PRSS36: variants seen among roughly 807,000 people sequenced by gnomAD.
PRSS36 encodes polyserase-2.
A neutral mutation model predicts 94.3 loss-of-function variants in PRSS36; 90 were observed. The observed-to-expected ratio is 0.95, with a 90% CI of 0.80 to 1.14. The LOEUF is 1.14. PRSS36 is among the 50% of genes most tolerant of loss of function. PRSS36 has a pLI of 0.00. For missense variants in PRSS36, 1,158 were observed against 1,135.0 expected, an observed-to-expected ratio of 1.02 and a Z score of -0.29; for synonymous variants, 500 against 489.6, an observed-to-expected ratio of 1.02 and a Z score of -0.28.
chr16:31,140,483 G>A lies in PRSS36; in HGVS notation c.2167+9C>T, dbSNP rs374727186. 1.0e-4 allele frequency: 162 copies of A among 1,590,464 alleles called. No homozygotes were observed. The highest frequency in any genetic ancestry group is 1.3e-4 in the Non-Finnish European group (148 of 1,167,624). On this transcript the variant is annotated intron_variant, in intron 13 of 14. Coordinates refer to ENST00000268281, the MANE Select transcript of PRSS36 (RefSeq NM_173502.5). ...GCTACTCCTCGTTCCCGTGACCCAG[G>A]GGTCTCACCTCGGTCCTGGGGTTCT...
intron 12 of PRSS36, 146 bp from the exon 13 acceptor site, chr16:31,140,903 A>G: frequency 2.4e-6 from 2 of 834,566 alleles, no homozygotes; most frequent in Non-Finnish European, 3.7e-6. Context: ...AGGTCAAAAC[A>G]TCTCCCAGTG....
At position 31,140,656 on chromosome 16, in the gene PRSS36, A is replaced by ATGC; in HGVS notation, c.2000_2002dup (p.Ser667dup). 6.2e-7 allele frequency: 1 copy of ATGC among 1,613,896 alleles called. No individual in the cohort carries two copies. The highest frequency in any genetic ancestry group is 8.5e-7 in the Non-Finnish European group (1 of 1,179,914). On this transcript the variant is annotated inframe_insertion, in exon 13 of 15. Transcript: ENST00000268281. ...GAGTCCCAGGTGCTGGGGCAGCCGG[A>ATGC]TGCTGATGACCAAGCGGGATACCTG...
rs1372261807 is a variant in PRSS36 at position 31,148,931 on chromosome 16, G to A, written c.272+142C>T. ...GCCTTGCCCCACTCGGAACCATGAT[G>A]CCTCGAATAGCACCTCGCTTTGGGG... On this transcript the variant is annotated intron_variant, in intron 4 of 14. Transcript: ENST00000268281. The A allele has an allele frequency of 3.8e-6, 4 of 1,048,236 alleles. No individual in the cohort carries two copies. The African/African-American group carries it at 6.5e-5, about 17-fold the overall frequency. The allele number at this position is 1,048,236 out of a possible 1,614,324, so 64.9% of individuals were successfully genotyped here.
chr16:31,143,522 C>T (rs748211517), intron 7 of PRSS36, 51 bp from the exon 8 acceptor site: 1 of 1,607,056 alleles, frequency 6.2e-7, no homozygotes, highest in Non-Finnish European at 8.5e-7. Flanking sequence ...CCAATCACTC[C>T]CAGCAGTCTC....
Position 31,149,131 on chromosome 16 carries a change from A to T in PRSS36, c.214T>A (p.Cys72Ser), listed in dbSNP as rs1457819000. The T allele has an allele frequency of 6.3e-7, 1 of 1,583,244 alleles. No homozygotes were observed. Among genetic ancestry groups the T allele is most frequent in the East Asian group, 2.3e-5 (1 of 43,884 alleles). The change falls in exon 4 of 15, where the codon TGC (cysteine) becomes AGC (serine). Residue 72 changes from cysteine (C) to serine (S), a missense_variant. Transcript: ENST00000268281. ...VSLHHGGGHI[C>S]GGSLIAPSWV... is the part of the protein sequence containing the mutation. ...GAGGGGGCGATGAGGGAGCCCCCGC[A>T]GATGTGGCCACCTCCATGGTGCAGG...
intron 6 of PRSS36, among the ~76,000 whole-genome samples, chr16:31,145,150 A>C (rs973164529): frequency 6.6e-6 from 1 of 151,984 alleles, no homozygotes; most frequent in African/African-American, 2.4e-5. Context: ...CGGGTGGATC[A>C]CGAGGTCAGG....
In PRSS36 at chr16:31,149,200, C is replaced by T. The variant is rs1161628106; in HGVS notation, c.145G>A (p.Gly49Arg). The T allele has an allele frequency of 1.9e-6, 3 of 1,567,414 alleles. No individual in the cohort carries two copies. Among genetic ancestry groups the T allele is most frequent in the African/African-American group, 2.7e-5 (2 of 74,200 alleles). ...GRPEPSARIV[G>R]GSNAQPGTWP... is the part of the protein sequence containing the mutation. ...GTGCCCGGCTGCGCGTTTGAGCCCC[C>T]CACGATGCGGGCCGAGGGCTCAGGG... The change falls in exon 4 of 15, where the codon GGG becomes AGG. Residue 49 changes from glycine (G) to arginine (R), a missense_variant. Coordinates refer to ENST00000268281, the MANE Select transcript of PRSS36 (RefSeq NM_173502.5).
chr16:31,149,882 C>T lies in PRSS36; in HGVS notation c.37+117G>A, dbSNP rs1420248379. 1.4e-5 allele frequency: 22 copies of T among 1,530,352 alleles called. No homozygotes were observed. In the East Asian group the frequency reaches 3.4e-4, roughly 24 times the overall value. The allele number at this position is 1,530,352 out of a possible 1,614,324, so 94.8% of individuals were successfully genotyped here. A position where few individuals can be genotyped will look rare whatever the true frequency, so the allele number is the denominator to read the frequency against. On this transcript the variant is annotated intron_variant, in intron 1 of 14. Coordinates refer to ENST00000268281, the MANE Select transcript of PRSS36 (RefSeq NM_173502.5). ...CTGATACATCCTCGCCTTCTGCTGC[C>T]TCACTTCCTTCTCTCTGACTTCCTG...
In PRSS36 at chr16:31,139,055, C is replaced by A; in HGVS notation, c.*83G>T. The stretch of plus-strand genomic sequence containing the variant: ...TCGGTGGGTGGGGCCCTTGAGGTTC[C>A]AGCCGGCTGGGCCACATTCCAGCCC... On this transcript the variant is annotated 3_prime_UTR_variant, in exon 15 of 15. Coordinates refer to ENST00000268281, the MANE Select transcript of PRSS36 (RefSeq NM_173502.5). The A allele has an allele frequency of 9.6e-6, 14 of 1,458,442 alleles. No homozygotes were observed. The highest frequency in any genetic ancestry group is 2.4e-5 in the Admixed American group (1 of 42,422). 90.3% of individuals were successfully genotyped at this position (1,458,442 alleles called of 1,614,324 possible).
At chr16:31,144,984 G>A (rs915724490) in intron 6 of PRSS36, among the ~76,000 whole-genome samples, 1 of 152,140 alleles carries the variant, frequency 6.6e-6, no homozygotes, top group Non-Finnish European at 1.5e-5. Flanking sequence ...CTACTTGGGA[G>A]GCTGAAGCAG....
chr16:31,145,596 G>A (rs551274903), intron 6 of PRSS36, among the ~76,000 whole-genome samples, 193 bp downstream of exon 6: 4 of 152,244 alleles, frequency 2.6e-5, no homozygotes, highest in South Asian at 2.1e-4. Flanking sequence ...CCGAGATTGC[G>A]CCACTGCAGT....
At chr16:31,142,057 C>T (rs2057703742) in intron 10 of PRSS36, 97 bp from the exon 11 acceptor site, 5 of 1,075,444 alleles carry the variant, frequency 4.6e-6, no homozygotes, top group Non-Finnish European at 7.0e-6. Flanking sequence ...TTCCCATTTG[C>T]GGAAGTATCA....
chr16:31,140,416 C>G lies in PRSS36; in HGVS notation c.2168-1G>C, dbSNP rs766954627. On this transcript the variant is annotated splice_acceptor_variant, in intron 13 of 14. Coordinates refer to ENST00000268281, the MANE Select transcript of PRSS36 (RefSeq NM_173502.5). LOFTEE classifies it high-confidence loss of function. The stretch of plus-strand genomic sequence containing the variant: ...ATGGAGACAGCAGCAGCCACAGGGA[C>G]TGGGGAGAGGAGACAAAGTTGTTCC... The G allele has an allele frequency of 2.1e-5, 34 of 1,613,106 alleles. No homozygotes were observed. The highest frequency in any genetic ancestry group is 2.9e-5 in the Non-Finnish European group (34 of 1,179,602).
chr16:31,143,512 C>T, intron 7 of PRSS36, 41 bp from the exon 8 acceptor site: 2 of 1,604,008 alleles, frequency 1.2e-6, no homozygotes, highest in Non-Finnish European at 1.7e-6. Flanking sequence ...CTCCTGCAAC[C>T]CAATCACTCC....
At chr16:31,139,913 G>A (rs1201509337) in intron 14 of PRSS36, among the ~76,000 whole-genome samples, 1 of 141,296 alleles carries the variant, frequency 7.1e-6, no homozygotes, top group African/African-American at 2.6e-5. Context: ...AAAATTCCTT[G>A]GCCGGGCGCA....
In PRSS36 at chr16:31,141,841, G is replaced by C; in HGVS notation, c.1641C>G (p.Gly547=). ...CCCGAGTCACATGGCTGATCCATGG[G>C]CCATGAGTCTGCAGAGGGAAGAAGG... ...PRAFFPLQTH[G]PWISHVTRGA... Residue 547 remains glycine (G), a synonymous_variant, in exon 11 of 15, where the codon GGC becomes GGG. Coordinates refer to ENST00000268281, the MANE Select transcript of PRSS36 (RefSeq NM_173502.5). 2 of 1,614,182 alleles carry C rather than the reference G, an allele frequency of 1.2e-6. No individual in the cohort carries two copies. The highest frequency in any genetic ancestry group is 1.7e-6 in the Non-Finnish European group (2 of 1,180,018).
chr16:31,140,530 C>A lies in PRSS36; in HGVS notation c.2129G>T (p.Ser710Ile). The A allele has an allele frequency of 6.3e-7, 1 of 1,577,552 alleles. No homozygotes were observed. The change falls in exon 13 of 15, where the codon AGC (serine) becomes ATC (isoleucine). Residue 710 changes from serine to isoleucine, a missense_variant. Transcript: ENST00000268281. ...TTCTTTCCAGCCCAACACCCAGCAG[C>A]TGGCCCCCGGGGGGATACCCGCCGG... ...LHPAGIPPGA[S>I]CWVLGWKEPQ...
rs757684220 is a variant in PRSS36 at position 31,140,265 on chromosome 16, C to T, written c.2289+29G>A. On this transcript the variant is annotated intron_variant, in intron 14 of 14. Coordinates refer to ENST00000268281, the MANE Select transcript of PRSS36 (RefSeq NM_173502.5). ...GTAGTCCAACACTGCCTCTCCCCTG[C>T]CTACTCCAGGACGCCCAGGCCCCTG... is the stretch of plus-strand genomic sequence containing the variant. 1.8e-5 allele frequency: 28 copies of T among 1,583,402 alleles called. No individual in the cohort carries two copies. The East Asian group carries it at 5.8e-4, about 33-fold the overall frequency.
rs141990059 is a variant in PRSS36, at chr16:31,143,313, A to G, written c.1100+29T>C. 1,858 of 1,563,076 alleles carry G rather than the reference A, an allele frequency of 1.2e-3. 20 individuals carry two copies. The African/African-American group carries it at 0.022, about 18-fold the overall frequency. ...TCTCAGGCTGTAGGGAGGGGCAAGGATCGGCTTGAAACGTAGATTTTCACT... is the reference window on the plus strand; with the variant it reads ...TCTCAGGCTGTAGGGAGGGGCAAGGGTCGGCTTGAAACGTAGATTTTCACT... On this transcript the variant is annotated intron_variant, in intron 8 of 14. Coordinates refer to ENST00000268281, the MANE Select transcript of PRSS36 (RefSeq NM_173502.5).
Sources: allele counts gnomAD v4.1 joint callset (sites outside exome capture counted in the v4.1 genomes callset), GRCh38; gene constraint gnomAD v4.1.1; transcripts MANE v1.5; gene names NCBI Gene and HGNC (gene_info 2026-07-23, HGNC 2026-07-21).